The following MAP7 variants were observed in gnomAD, a reference collection of about 807,000 sequenced individuals.
MAP7 encodes ensconsin.
MAP7 carries 52 observed loss-of-function variants against 94.8 expected under a neutral mutation model. The observed-to-expected ratio is 0.55, with a 90% CI of 0.44 to 0.69. The LOEUF (loss-of-function observed/expected upper bound fraction) is 0.69. MAP7 is among the 30% of genes least tolerant of loss of function. The probability of loss-of-function intolerance (pLI) is 0.00; values close to 1 mark genes in which losing one functional copy is unlikely to be tolerated. For missense variants in MAP7, 940 were observed against 964.6 expected (o/e 0.97, Z 0.34); for synonymous variants, 350 against 357.0 (o/e 0.98, Z 0.22).
intron 1 of MAP7, among the ~76,000 whole-genome samples, chr6:136,437,941 T>G (rs1478032322): frequency 1.3e-5 from 2 of 152,220 alleles, no homozygotes; most frequent in East Asian, 3.8e-4. Context: ...ATATTCTAAC[T>G]AGAAGTGTCC....
intron 1 of MAP7, among the ~76,000 whole-genome samples, chr6:136,453,071 A>G (rs1168983521): frequency 6.6e-6 from 1 of 152,172 alleles, no homozygotes; most frequent in Non-Finnish European, 1.5e-5. Context: ...TTCCCTAGGC[A>G]TCTCTCATGA....
intron 1 of MAP7, among the ~76,000 whole-genome samples, chr6:136,456,153 A>G (rs1802789256): frequency 6.6e-6 from 1 of 152,240 alleles, no homozygotes; most frequent in South Asian, 2.1e-4. Context: ...CATGATGCAC[A>G]TGCTAATAAA....
intron 1 of MAP7, among the ~76,000 whole-genome samples, chr6:136,425,383 C>G (rs1160028781): frequency 6.6e-6 from 1 of 152,102 alleles, no homozygotes; most frequent in Non-Finnish European, 1.5e-5. Flanking sequence ...CTTGTGAGGA[C>G]ACAGCTTTGG....
intron 3 of MAP7, among the ~76,000 whole-genome samples, chr6:136,401,113 C>T (rs1268889204): frequency 6.6e-6 from 1 of 152,132 alleles, no homozygotes; most frequent in Non-Finnish European, 1.5e-5. Flanking sequence ...CTTTGGGAGG[C>T]CAAGGTGGGA....
intron 1 of MAP7, among the ~76,000 whole-genome samples, chr6:136,457,897 C>T (rs938035173): frequency 6.6e-6 from 1 of 152,228 alleles, no homozygotes; most frequent in East Asian, 1.9e-4. Context: ...GGCAAGGATG[C>T]CCACTCTCAC....
At chr6:136,394,235 G>A (rs1416033249) in intron 3 of MAP7, among the ~76,000 whole-genome samples, 1 of 151,866 alleles carries the variant, frequency 6.6e-6, no homozygotes, top group Non-Finnish European at 1.5e-5. Context: ...CACCCACCTC[G>A]GCCTCTGAAA....
chr6:136,546,308 T>C (rs13195609), intron 1 of MAP7, among the ~76,000 whole-genome samples: 1 of 150,048 alleles, frequency 6.7e-6, no homozygotes, highest in Admixed American at 6.6e-5. Context: ...CTACTGCCTC[T>C]GGCCTTTTTT....
intron 3 of MAP7, among the ~76,000 whole-genome samples, chr6:136,390,822 T>C (rs1369641451): frequency 1.3e-5 from 2 of 152,294 alleles, no homozygotes; most frequent in African/African-American, 4.8e-5. Context: ...ACTGACTTTA[T>C]TTTAGGTGAA....
rs186447948 is a variant in MAP7, at chr6:136,348,815, G to A, written c.2016-2736C>T. 2.8e-3 allele frequency among the ~76,000 whole-genome samples: 427 copies of A among 152,212 alleles called. 1 individual carries two copies. Among genetic ancestry groups the A allele is most frequent in the Non-Finnish European group, 4.3e-3 (291 of 68,002 alleles). On this transcript the variant is annotated intron_variant, in intron 16 of 17. Coordinates refer to ENST00000354570, the MANE Select transcript of MAP7 (RefSeq NM_003980.6). ...TGAACTCAAGATTTGGAGGGAAAAT[G>A]AATGGGTCAAACACCAAAATTACCA...
chr6:136,497,884 A>G (rs1363427356), intron 1 of MAP7, among the ~76,000 whole-genome samples: 1 of 151,680 alleles, frequency 6.6e-6, no homozygotes, highest in African/African-American at 2.4e-5. Flanking sequence ...CCTCTCTTAC[A>G]TGAAAATTGT....
intron 1 of MAP7, among the ~76,000 whole-genome samples, chr6:136,520,661 C>G (rs1418957605): frequency 6.6e-6 from 1 of 152,078 alleles, no homozygotes; most frequent in African/African-American, 2.4e-5. Flanking sequence ...AGGCTGGGAG[C>G]GAGAGAGGAG....
intron 2 of MAP7, among the ~76,000 whole-genome samples, chr6:136,416,618 C>T (rs1789517131): frequency 6.6e-6 from 1 of 152,048 alleles, no homozygotes; most frequent in East Asian, 1.9e-4. Context: ...CCAGCCTGGG[C>T]AACATGGCGA....
chr6:136,389,222 G>T, intron 4 of MAP7, 132 bp downstream of exon 4: 1 of 1,374,462 alleles, frequency 7.3e-7, no homozygotes, highest in Non-Finnish European at 9.5e-7. Context: ...AGAAACTGTA[G>T]CCATCTGTAA....
intron 1 of MAP7, among the ~76,000 whole-genome samples, chr6:136,548,868 C>G (rs995983610): frequency 3.3e-5 from 5 of 152,228 alleles, no homozygotes. Flanking sequence ...GGATGCTCCT[C>G]TCCCGGGGCC....
intron 8 of MAP7, among the ~76,000 whole-genome samples, chr6:136,369,832 T>C (rs902338051): frequency 6.6e-6 from 1 of 152,174 alleles, no homozygotes; most frequent in Admixed American, 6.5e-5. Context: ...AAAACATAAG[T>C]GAAAAGCTTC....
chr6:136,377,365 C>G (rs1776474166), intron 7 of MAP7, among the ~76,000 whole-genome samples: 1 of 152,188 alleles, frequency 6.6e-6, no homozygotes, highest in African/African-American at 2.4e-5. Context: ...AAATAACAGA[C>G]TTGCGCTTTG....
At chr6:136,478,864 T>G (rs1490738289) in intron 1 of MAP7, among the ~76,000 whole-genome samples, 3 of 150,978 alleles carry the variant, frequency 2.0e-5, no homozygotes, top group Non-Finnish European at 4.4e-5. Context: ...TTACTAAATA[T>G]TTAAAGAAGA....
intron 5 of MAP7, among the ~76,000 whole-genome samples, chr6:136,386,082 G>GGTT (rs1388941286): frequency 6.6e-6 from 1 of 152,128 alleles, no homozygotes; most frequent in Admixed American, 6.6e-5. Context: ...ATCGTATCAA[G>GGTT]TTTTACAGAC....
intron 1 of MAP7, among the ~76,000 whole-genome samples, chr6:136,537,906 C>T (rs1309625814): frequency 8.6e-5 from 13 of 152,046 alleles, no homozygotes; most frequent in African/African-American, 2.7e-4. Context: ...CTCAGCATCC[C>T]GAGTAGCTGG....
Sources: allele counts gnomAD v4.1 joint callset (sites outside exome capture counted in the v4.1 genomes callset), GRCh38; gene constraint gnomAD v4.1.1; transcripts MANE v1.5; gene names NCBI Gene and HGNC (gene_info 2026-07-23, HGNC 2026-07-21).